UPP2: variants seen among roughly 807,000 people sequenced by gnomAD.
UPP2 encodes uridine phosphorylase 2.
Under a neutral mutation model 26.7 loss-of-function variants are expected in UPP2, and 23 were observed. The observed-to-expected ratio is 0.86, with a 90% CI of 0.62 to 1.22. The LOEUF (loss-of-function observed/expected upper bound fraction) is 1.22, where lower values mean the gene tolerates loss of function less well. Ranked by LOEUF, UPP2 falls within the 50% of genes most tolerant of loss-of-function variation. The probability of loss-of-function intolerance (pLI) is 0.00; values close to 1 mark genes in which losing one functional copy is unlikely to be tolerated. For missense variants in UPP2, 387 were observed against 396.7 expected (o/e 0.98, Z 0.21); for synonymous variants, 127 against 141.3 (o/e 0.90, Z 0.72).
At chr2:158,039,372 C>A (rs1684052925) in intron 3 of UPP2, among the ~76,000 whole-genome samples, 1 of 152,180 alleles carries the variant, frequency 6.6e-6, no homozygotes, top group Admixed American at 6.5e-5. Flanking sequence ...TAAAATGAAG[C>A]AGTGAAATCA....
intron 3 of UPP2, among the ~76,000 whole-genome samples, chr2:158,032,748 G>T (rs759916262): frequency 6.6e-6 from 1 of 152,274 alleles, no homozygotes; most frequent in Non-Finnish European, 1.5e-5. Context: ...CACTACAAAG[G>T]CTGGATTCTG....
intron 2 of UPP2, among the ~76,000 whole-genome samples, chr2:157,995,442 T>C (rs1683310087): frequency 6.6e-6 from 1 of 152,202 alleles, no homozygotes; most frequent in African/African-American, 2.4e-5. Flanking sequence ...CTCAACTTTT[T>C]TAGAGCTAGG....
intron 3 of UPP2, among the ~76,000 whole-genome samples, chr2:158,057,417 G>A (rs903499350): frequency 7.2e-5 from 11 of 152,222 alleles, no homozygotes; most frequent in Middle Eastern, 3.4e-3. Flanking sequence ...ATTTATATCA[G>A]CATGACCTCA....
chr2:158,052,023 C>A (rs1362928033), intron 3 of UPP2, among the ~76,000 whole-genome samples: 2 of 152,144 alleles, frequency 1.3e-5, no homozygotes, highest in East Asian at 1.9e-4. Flanking sequence ...GTGGATAATT[C>A]TTCCAGCTAC....
At position 158,034,151 on chromosome 2, in the gene UPP2, C is replaced by G. The variant is rs565116875; in HGVS notation, c.147+18265C>G. On this transcript the variant is annotated intron_variant, in intron 3 of 9. Coordinates refer to the UPP2 transcript ENST00000605860. ...AAGAATCTAGGAGTTTGACCATGAT[C>G]ATGAATTCCAACCTTCCACCTCTGA... 4.9e-4 allele frequency among the ~76,000 whole-genome samples: 74 copies of G among 152,316 alleles called. 1 individual carries two copies. The South Asian group carries it at 0.015, about 30-fold the overall frequency.
At chr2:158,066,643 T>TA (rs1682440856) in intron 3 of UPP2, among the ~76,000 whole-genome samples, 2 of 151,530 alleles carry the variant, frequency 1.3e-5, no homozygotes, top group Admixed American at 1.3e-4. Flanking sequence ...TTTTTTTTTT[T>TA]ACCATGTCTT....
At chr2:158,010,985 C>T (rs548606396) in intron 2 of UPP2, among the ~76,000 whole-genome samples, 6 of 151,986 alleles carry the variant, frequency 3.9e-5, no homozygotes, top group Admixed American at 1.3e-4. Flanking sequence ...AGGCTGGTCT[C>T]GAACTCCTGA....
At chr2:158,070,272 T>C (rs912259702) in intron 3 of UPP2, among the ~76,000 whole-genome samples, 1 of 152,224 alleles carries the variant, frequency 6.6e-6, no homozygotes, top group Non-Finnish European at 1.5e-5. Context: ...CCCCCAAGCA[T>C]TCAGCAGCTT....
intron 3 of UPP2, among the ~76,000 whole-genome samples, chr2:158,094,901 C>T (rs1341329082): frequency 6.6e-6 from 1 of 152,106 alleles, no homozygotes; most frequent in Non-Finnish European, 1.5e-5. Flanking sequence ...GGCTGATTTC[C>T]CAATGTACTT....
At chr2:158,100,155 A>G (rs1191775499), upstream of UPP2, among the ~76,000 whole-genome samples, 1 of 152,246 alleles carries the variant, frequency 6.6e-6, no homozygotes, top group African/African-American at 2.4e-5. Context: ...CCCAGAAGGC[A>G]TTAACTAGTA....
chr2:158,035,409 C>A lies in UPP2; in HGVS notation c.147+19523C>A, dbSNP rs575500382. On this transcript the variant is annotated intron_variant, in intron 3 of 9. Transcript: ENST00000605860. ...TGACCTCATAATCCACCTGCTTGGC[C>A]TCCCAAAGTGCTGGAATTACAGGCA... Among the ~76,000 whole-genome samples, 40 of 152,270 alleles carry A rather than the reference C, an allele frequency of 2.6e-4. No homozygotes were observed. In the Middle Eastern group the frequency reaches 0.01, roughly 39 times the overall value.
chr2:158,126,019 C>G (rs1186036656), intron 6 of UPP2, among the ~76,000 whole-genome samples: 1 of 152,112 alleles, frequency 6.6e-6, no homozygotes, highest in African/African-American at 2.4e-5. Context: ...TTCATGAAAA[C>G]CGGGTGATGA....
At chr2:158,125,512 C>T (rs1241081645) in intron 6 of UPP2, among the ~76,000 whole-genome samples, 3 of 151,710 alleles carry the variant, frequency 2.0e-5, no homozygotes, top group African/African-American at 7.3e-5. Context: ...TGCTTTGCCT[C>T]CTGGGTTCAA....
At chr2:158,057,947 A>G (rs1682274363) in intron 3 of UPP2, among the ~76,000 whole-genome samples, 1 of 152,084 alleles carries the variant, frequency 6.6e-6, no homozygotes, top group South Asian at 2.1e-4. Flanking sequence ...TAAAGGTTAA[A>G]TGAGGTGATA....
chr2:158,068,013 A>G (rs1315361012), intron 3 of UPP2, among the ~76,000 whole-genome samples: 1 of 152,178 alleles, frequency 6.6e-6, no homozygotes, highest in Non-Finnish European at 1.5e-5. Context: ...ATTATTAGCA[A>G]TTCTGTAAAA....
chr2:158,039,915 C>T (rs1025933248), intron 3 of UPP2, among the ~76,000 whole-genome samples: 3 of 152,176 alleles, frequency 2.0e-5, no homozygotes, highest in African/African-American at 7.2e-5. Flanking sequence ...CTGTGCCTTC[C>T]ATCTGGAACT....
At chr2:158,093,832 C>A (rs1271832746) in intron 3 of UPP2, among the ~76,000 whole-genome samples, 3 of 151,382 alleles carry the variant, frequency 2.0e-5, no homozygotes, top group African/African-American at 7.3e-5. Flanking sequence ...TGAATACATG[C>A]AAACATATTA....
At chr2:158,001,417 T>A (rs1486925329) in intron 2 of UPP2, among the ~76,000 whole-genome samples, 3 of 152,152 alleles carry the variant, frequency 2.0e-5, no homozygotes, top group Non-Finnish European at 2.9e-5. Flanking sequence ...CAGCCTGTAG[T>A]GGCCCAAGGA....
intron 3 of UPP2, among the ~76,000 whole-genome samples, chr2:158,077,281 G>A (rs1337490116): frequency 6.6e-6 from 1 of 151,740 alleles, no homozygotes; most frequent in Non-Finnish European, 1.5e-5. Context: ...CACATAAATA[G>A]AAAAAAACAA....
Sources: allele counts gnomAD v4.1 joint callset (sites outside exome capture counted in the v4.1 genomes callset), GRCh38; gene constraint gnomAD v4.1.1; transcripts MANE v1.5; gene names NCBI Gene and HGNC (gene_info 2026-07-23, HGNC 2026-07-21).